GIN1: variants seen among roughly 807,000 people sequenced by gnomAD.
The protein encoded by GIN1 is gypsy retrotransposon integrase 1.
GIN1 carries 41 observed loss-of-function variants against 51.4 expected under a neutral mutation model. The observed-to-expected ratio is 0.80, with a 90% CI of 0.62 to 1.04. The LOEUF is 1.04. GIN1 is among the 50% of genes least tolerant of loss of function. The probability of loss-of-function intolerance (pLI) is 0.00; values close to 1 mark genes in which losing one functional copy is unlikely to be tolerated. For synonymous variants in GIN1, 222 were observed against 206.5 expected, an observed-to-expected ratio of 1.07 and a Z score of -0.64; for missense variants, 610 against 612.4, an observed-to-expected ratio of 1.00 and a Z score of 0.04.
intron 1 of GIN1, among the ~76,000 whole-genome samples, chr5:103,109,819 TGA>T (rs576896789): frequency 1.1e-3 from 172 of 152,170 alleles, no homozygotes; most frequent in Non-Finnish European, 2.1e-3. Context: ...ATCTCAAAGA[TGA>T]ATGGATGAGA....
intron 7 of GIN1, among the ~76,000 whole-genome samples, chr5:103,092,916 A>G (rs1787288123): frequency 7.5e-6 from 1 of 134,036 alleles, no homozygotes; most frequent in African/African-American, 2.8e-5. Context: ...ACTGCACTCC[A>G]GCACGGGCAA....
chr5:103,119,731 T>C (rs1385695323), intron 1 of GIN1, among the ~76,000 whole-genome samples: 3 of 152,154 alleles, frequency 2.0e-5, no homozygotes, highest in Non-Finnish European at 4.4e-5. Context: ...GAGCATTTCC[T>C]AAGCTTTGGG....
intron 5 of GIN1, 43 bp downstream of exon 5, chr5:103,097,547 A>G: frequency 6.7e-7 from 1 of 1,499,560 alleles, no homozygotes; most frequent in Non-Finnish European, 9.2e-7. Flanking sequence ...TGGCCAAGAA[A>G]TAGTCATAAC....
At chr5:103,114,180 A>C (rs1787963562) in intron 1 of GIN1, among the ~76,000 whole-genome samples, 1 of 152,202 alleles carries the variant, frequency 6.6e-6, no homozygotes, top group Admixed American at 6.5e-5. Context: ...ACCTGGAATA[A>C]CTTAAAATTT....
At chr5:103,117,581 T>TATACACACACACACACACACACAC (rs5870042) in intron 1 of GIN1, among the ~76,000 whole-genome samples, 55 of 149,484 alleles carry the variant, frequency 3.7e-4, no homozygotes, top group East Asian at 1.4e-3. Context: ...GAAAAAAATA[T>TATACACACACACACACACACACAC]ACACACACAC....
In GIN1 at chr5:103,110,539, CTT is replaced by C. The variant is rs782207967; in HGVS notation, c.-7-1827_-7-1826del. ...GGCAATGCAAATAAAACCACGATGA[CTT>C]AGAATTACACACTACTGAACAGGCT... On this transcript the variant is annotated intron_variant, in intron 1 of 7. Coordinates refer to ENST00000399004, the MANE Select transcript of GIN1 (RefSeq NM_017676.2). Among the ~76,000 whole-genome samples the C allele has an allele frequency of 3.8e-4, 58 of 152,080 alleles. 1 individual carries two copies. Among genetic ancestry groups the C allele is most frequent in the Admixed American group, 8.5e-4 (13 of 15,260 alleles).
intron 4 of GIN1, among the ~76,000 whole-genome samples, chr5:103,101,191 C>T (rs1464757438): frequency 2.6e-5 from 4 of 152,150 alleles, no homozygotes; most frequent in African/African-American, 9.7e-5. Context: ...TGGATACACA[C>T]TACTAACCAC....
intron 1 of GIN1, among the ~76,000 whole-genome samples, chr5:103,115,100 T>C (rs537843859): frequency 1.3e-5 from 2 of 152,294 alleles, no homozygotes; most frequent in South Asian, 2.1e-4. Flanking sequence ...GGTTCATTCA[T>C]TGATCTAAAA....
intron 1 of GIN1, among the ~76,000 whole-genome samples, chr5:103,117,550 A>T (rs1788071992): frequency 6.6e-6 from 1 of 151,904 alleles, no homozygotes; most frequent in Non-Finnish European, 1.5e-5. Context: ...ATGTGCAGGG[A>T]CATTTGGTTC....
In GIN1 at chr5:103,104,612, T is replaced by C. The variant is rs373024811; in HGVS notation, c.568A>G (p.Ile190Val). 5 of 1,572,614 alleles carry C rather than the reference T, an allele frequency of 3.2e-6. No individual in the cohort carries two copies. The Admixed American group carries it at 8.3e-5, about 26-fold the overall frequency. The change falls in exon 4 of 8, where the codon ATC (isoleucine) becomes GTC (valine). Residue 190 changes from isoleucine (I) to valine (V), a missense_variant. By Grantham distance (29) the Ile-to-Val change is conservative. Coordinates refer to ENST00000399004, the MANE Select transcript of GIN1 (RefSeq NM_017676.2). Reference protein sequence around the residue: ...VSASEVSKAIINIFFLYGPPQ... With the variant: ...VSASEVSKAIVNIFFLYGPPQ... ...GGTCCATATAAGAAAAATATATTGA[T>C]AATAGCTTTAGAAACTTCTGATGCT...
intron 4 of GIN1, among the ~76,000 whole-genome samples, chr5:103,101,926 A>G (rs1013763244): frequency 9.2e-5 from 14 of 152,236 alleles, no homozygotes; most frequent in Non-Finnish European, 4.4e-5. Flanking sequence ...GACCACTGCT[A>G]TGTCAATCAA....
At position 103,087,749 on chromosome 5, in the gene GIN1, A is replaced by G; in HGVS notation, c.*149T>C. 1 of 497,062 alleles carries G rather than the reference A, an allele frequency of 2.0e-6. No homozygotes were observed. Among genetic ancestry groups the G allele is most frequent in the Non-Finnish European group, 3.5e-6 (1 of 284,206 alleles). 30.8% of individuals were successfully genotyped at this position (497,062 alleles called of 1,614,324 possible). On this transcript the variant is annotated 3_prime_UTR_variant, in exon 8 of 8. Transcript: ENST00000399004. ...GTATACTGATATTCAAATGTGGCAT[A>G]ATTTTAGATAAGAACTATAAAATAA...
At chr5:103,096,908 T>A in intron 6 of GIN1, 82 bp from the exon 7 acceptor site, 1 of 844,424 alleles carries the variant, frequency 1.2e-6, no homozygotes, top group Non-Finnish European at 1.8e-6. Flanking sequence ...GAGAATATTG[T>A]AACAAAATGG....
Position 103,096,824 on chromosome 5 carries a change from C to T in GIN1, c.1011G>A (p.Met337Ile), listed in dbSNP as rs782334728. The T allele has an allele frequency of 6.4e-7, 1 of 1,569,466 alleles. No homozygotes were observed. The highest frequency in any genetic ancestry group is 1.1e-5 in the South Asian group (1 of 89,616). ...TTAGTTCATCCAAATTGTTGTTCTC[C>T]ATCTACAAGTGTAAAAAGAAAAAGA... ...MENKTTSLGQ[M>I]ENNNLDELNK... Residue 337 changes from methionine to isoleucine, a missense_variant and splice_region_variant, in exon 7 of 8, where the codon ATG (methionine) becomes ATA (isoleucine). Transcript: ENST00000399004.
rs75195422 is a variant in GIN1 at position 103,087,275 on chromosome 5, C to T, written c.*623G>A. 3,539 of 152,210 alleles carry T rather than the reference C, an allele frequency of 0.023. 151 individuals are homozygous for T. The highest frequency in any genetic ancestry group is 0.081 in the African/African-American group (3,361 of 41,522). 9.4% of individuals were successfully genotyped at this position (152,210 alleles called of 1,614,324 possible). On this transcript the variant is annotated 3_prime_UTR_variant, in exon 8 of 8. Transcript: ENST00000399004. Reference sequence around the variant, plus strand: ...ACAGGTGTGGGCCACCATGCCTGGTCGATGGTTTTATCTTTAATATATAGT... The same window carrying T: ...ACAGGTGTGGGCCACCATGCCTGGTTGATGGTTTTATCTTTAATATATAGT...
Position 103,096,607 on chromosome 5 carries a change from C to T in GIN1, c.1228G>A (p.Val410Ile). ...ATTTTGATAGGTCTTTTCAGTCTAACCCCAGTGTTGTCTCTCAGGACAGCA... is the reference window on the plus strand; with the variant it reads ...ATTTTGATAGGTCTTTTCAGTCTAATCCCAGTGTTGTCTCTCAGGACAGCA... Reference protein sequence around the residue: ...GCAVLRDNTGVRLKRPIKMSH... With the variant: ...GCAVLRDNTGIRLKRPIKMSH... Residue 410 changes from valine to isoleucine, a missense_variant, in exon 7 of 8, where the codon GTT (valine) becomes ATT (isoleucine). Physicochemically the swap from Val to Ile is conservative, Grantham distance 29 (BLOSUM62 3). Transcript: ENST00000399004. 6.2e-7 allele frequency: 1 copy of T among 1,613,242 alleles called. No individual in the cohort carries two copies. Among genetic ancestry groups the T allele is most frequent in the South Asian group, 1.1e-5 (1 of 91,060 alleles).
At chr5:103,107,224 G>A (rs1332068665) in intron 2 of GIN1, among the ~76,000 whole-genome samples, 1 of 152,030 alleles carries the variant, frequency 6.6e-6, no homozygotes, top group Admixed American at 6.6e-5. Flanking sequence ...AGTACTCAAA[G>A]TAGGAAGATT....
intron 1 of GIN1, among the ~76,000 whole-genome samples, chr5:103,114,331 G>A (rs1787967733): frequency 6.6e-6 from 1 of 152,214 alleles, no homozygotes; most frequent in Non-Finnish European, 1.5e-5. Context: ...AGCAAGAAAT[G>A]AGGAAATTCT....
chr5:103,088,007 T>C lies in GIN1; in HGVS notation c.1460A>G (p.Glu487Gly), dbSNP rs782367923. ...LTSSKDRELLEYRNTKISPLI... is the reference protein window; with the variant it reads ...LTSSKDRELLGYRNTKISPLI... Reference sequence around the variant, plus strand: ...TGGAGAGATTTTCGTATTTCTATATTCTAATAGTTCACGATCCTTGCTTGA... The same window carrying C: ...TGGAGAGATTTTCGTATTTCTATATCCTAATAGTTCACGATCCTTGCTTGA... The change falls in exon 8 of 8, where the codon GAA becomes GGA. Residue 487 changes from glutamate (E) to glycine (G), a missense_variant. By Grantham distance (98) the Glu-to-Gly change is moderately conservative. Coordinates refer to ENST00000399004, the MANE Select transcript of GIN1 (RefSeq NM_017676.2). 4 of 1,604,152 alleles carry C rather than the reference T, an allele frequency of 2.5e-6. No homozygotes were observed. The highest frequency in any genetic ancestry group is 3.4e-6 in the Non-Finnish European group (4 of 1,171,324).
Sources: gnomAD v4.1 joint callset for allele counts (sites outside exome capture counted in the v4.1 genomes callset) on GRCh38, gnomAD v4.1.1 for gene constraint, MANE v1.5 for transcripts, NCBI Gene and HGNC (gene_info 2026-07-23, HGNC 2026-07-21) for gene names.